Variants in NECAB2 observed in about 807,000 individuals in gnomAD.
NECAB2 encodes the protein N-terminal EF-hand calcium binding protein 2, also known as N-terminal EF-hand calcium-binding protein 2.
A neutral mutation model predicts 51.9 loss-of-function variants in NECAB2; 68 were observed. The ratio of observed to expected loss-of-function variants is 1.31; its 90% CI spans 1.08 to 1.60. NECAB2 has a LOEUF of 1.60. NECAB2 is among the 40% of genes most tolerant of loss of function. NECAB2 has a pLI of 0.00. For missense variants in NECAB2, 854 were observed against 490.3 expected, an observed-to-expected ratio of 1.74 and a Z score of -7.00; for synonymous variants, 329 against 203.5, an observed-to-expected ratio of 1.62 and a Z score of -5.25.
rs536750967 is a variant in NECAB2 at position 83,970,022 on chromosome 16, C to G, written c.201+1173C>G. On this transcript the variant is annotated intron_variant, in intron 1 of 12. Coordinates refer to ENST00000305202, the MANE Select transcript of NECAB2 (RefSeq NM_019065.3). The stretch of plus-strand genomic sequence containing the variant: ...ACTCACGCACTCGCTTACGCACGCA[C>G]ACACAGCCAGAGACACACCCATGCA... 3.4e-4 allele frequency among the ~76,000 whole-genome samples: 52 copies of G among 152,334 alleles called. 1 individual carries two copies. Among genetic ancestry groups the G allele is most frequent in the African/African-American group, 1.2e-3 (49 of 41,572 alleles).
chr16:83,999,846 A>G (rs748673460), intron 10 of NECAB2, among the ~76,000 whole-genome samples: 1 of 152,076 alleles, frequency 6.6e-6, no homozygotes, highest in Non-Finnish European at 1.5e-5. Flanking sequence ...TAGAAGGAAG[A>G]AGAGGGAAGA....
chr16:83,999,444 G>C (rs576557899), intron 10 of NECAB2, among the ~76,000 whole-genome samples: 1 of 152,286 alleles, frequency 6.6e-6, no homozygotes, highest in East Asian at 1.9e-4. Flanking sequence ...TCGAGTTGGA[G>C]ACGGCAAGCC....
upstream of NECAB2, chr16:83,966,012 C>T (rs199800520): frequency 4.6e-6 from 7 of 1,528,382 alleles, no homozygotes; most frequent in Admixed American, 2.1e-5. Flanking sequence ...CCCTAACACT[C>T]GGCCAGACCC....
At chr16:83,983,726 C>A (rs1249370089) in intron 5 of NECAB2, among the ~76,000 whole-genome samples, 1 of 152,226 alleles carries the variant, frequency 6.6e-6, no homozygotes, top group Non-Finnish European at 1.5e-5. Flanking sequence ...TTGTCATGAG[C>A]CAAGAATTTT....
upstream of NECAB2, among the ~76,000 whole-genome samples, chr16:83,967,709 T>TGGATGGAC (rs2151081830): frequency 9.7e-6 from 1 of 102,966 alleles, no homozygotes; most frequent in African/African-American, 4.6e-5. Context: ...GATGGACGGA[T>TGGATGGAC]GGATGGATGG....
chr16:83,977,038 A>T (rs889294838), intron 2 of NECAB2, among the ~76,000 whole-genome samples: 5 of 152,244 alleles, frequency 3.3e-5, no homozygotes, highest in African/African-American at 1.2e-4. Flanking sequence ...CCAGGCTGCA[A>T]TCCGCTTTCA....
chr16:83,971,086 C>T (rs372267125), intron 1 of NECAB2, among the ~76,000 whole-genome samples: 2 of 139,968 alleles, frequency 1.4e-5, no homozygotes, highest in East Asian at 2.0e-4. Context: ...AGAGCGAGAC[C>T]CCATCTCAAA....
At position 83,969,364 on chromosome 16, in the gene NECAB2, G is replaced by A. The variant is rs116063285; in HGVS notation, c.201+515G>A. On this transcript the variant is annotated intron_variant, in intron 1 of 12. Coordinates refer to ENST00000305202, the MANE Select transcript of NECAB2 (RefSeq NM_019065.3). ...TCAAAGACCCTTTGCCCCAGCTACT[G>A]CCACTTTAAAAGTGAAGCCCCCTCC... 3.6e-3 allele frequency among the ~76,000 whole-genome samples: 551 copies of A among 151,920 alleles called. 1 individual carries two copies. Among genetic ancestry groups the A allele is most frequent in the African/African-American group, 0.013 (536 of 41,424 alleles).
At chr16:83,983,058 G>A (rs559955032) in intron 5 of NECAB2, among the ~76,000 whole-genome samples, 96 of 151,996 alleles carry the variant, frequency 6.3e-4, no homozygotes, top group Non-Finnish European at 1.2e-3. Flanking sequence ...TAGTAGAGAC[G>A]GGGTTTCACC....
chr16:83,997,094 C>A (rs57112340), intron 8 of NECAB2, 122 bp from the exon 9 acceptor site: 11 of 1,105,896 alleles, frequency 9.9e-6, no homozygotes, highest in East Asian at 2.4e-5. Flanking sequence ...GGTCTCCCAG[C>A]CCTGTGCAAC....
intron 10 of NECAB2, among the ~76,000 whole-genome samples, chr16:84,000,491 A>AACTACACTGCATT (rs1356703835): frequency 6.6e-6 from 1 of 152,054 alleles, no homozygotes; most frequent in Non-Finnish European, 1.5e-5. Flanking sequence ...TCAAAAGAAA[A>AACTACACTGCATT]ACTACACTGC....
At chr16:83,967,632 G>A (rs1209216575), upstream of NECAB2, among the ~76,000 whole-genome samples, 1 of 125,264 alleles carries the variant, frequency 8.0e-6, no homozygotes, top group African/African-American at 3.0e-5. Context: ...GGGTAGGGGG[G>A]TGGATAGATG....
chr16:83,981,301 T>A (rs1238454269), intron 5 of NECAB2, among the ~76,000 whole-genome samples, 174 bp downstream of exon 5: 1 of 151,924 alleles, frequency 6.6e-6, no homozygotes, highest in Non-Finnish European at 1.5e-5. Flanking sequence ...GGGAATAGAA[T>A]GGTTTGGTGA....
At chr16:83,975,242 G>T (rs1232028333) in intron 2 of NECAB2, among the ~76,000 whole-genome samples, 7 of 148,638 alleles carry the variant, frequency 4.7e-5, no homozygotes, top group African/African-American at 1.8e-4. Context: ...GTTGGTGCGG[G>T]AATGTGAACC....
intron 5 of NECAB2, among the ~76,000 whole-genome samples, chr16:83,988,042 C>T (rs8050660): frequency 0.17 from 26,123 of 152,122 alleles, 4,286 homozygotes; most frequent in African/African-American, 0.44. Flanking sequence ...GATATTGTAC[C>T]TTATGCTGTT....
chr16:83,968,758 G>C lies in NECAB2; in HGVS notation c.110G>C (p.Arg37Thr). 1 of 1,086,646 alleles carries C rather than the reference G, an allele frequency of 9.2e-7. No homozygotes were observed. The highest frequency in any genetic ancestry group is 1.1e-6 in the Non-Finnish European group (1 of 897,012). 67.3% of individuals were successfully genotyped at this position (1,086,646 alleles called of 1,614,324 possible). A position where few individuals can be genotyped will look rare whatever the true frequency, so the allele number is the denominator to read the frequency against. Residue 37 changes from arginine (R) to threonine (T), a missense_variant, in exon 1 of 13, where the codon AGG becomes ACG. By Grantham distance (71) the Arg-to-Thr change is moderately conservative. Transcript: ENST00000305202. ...LGGLLRWVGA[R>T]MGEPRESLAP... ...GGGCTGCTGCGCTGGGTGGGCGCCAGGATGGGCGAGCCCCGGGAGTCGCTG... is the reference window on the plus strand; with the variant it reads ...GGGCTGCTGCGCTGGGTGGGCGCCACGATGGGCGAGCCCCGGGAGTCGCTG...
intron 1 of NECAB2, among the ~76,000 whole-genome samples, chr16:83,970,138 C>A (rs542247110): frequency 6.6e-6 from 1 of 152,312 alleles, no homozygotes; most frequent in African/African-American, 2.4e-5. Context: ...TGCATGGAAG[C>A]CCTGCCCAGT....
At position 83,998,149 on chromosome 16, in the gene NECAB2, G is replaced by T. The variant is rs1028165529; in HGVS notation, c.850-56G>T. 7 of 1,534,442 alleles carry T rather than the reference G, an allele frequency of 4.6e-6. No individual in the cohort carries two copies. In the South Asian group the frequency reaches 6.8e-5, roughly 15 times the overall value. ...GGAGGTCATGGGGGCCTGATGGGGTGTTTAGGGAGAAGGCCTGACGTGGAG... is the reference window on the plus strand; with the variant it reads ...GGAGGTCATGGGGGCCTGATGGGGTTTTTAGGGAGAAGGCCTGACGTGGAG... On this transcript the variant is annotated intron_variant, in intron 9 of 12. Transcript: ENST00000305202.
At chr16:83,994,254 C>A (rs746865272) in intron 6 of NECAB2, 48 bp from the exon 7 acceptor site, 15 of 1,567,326 alleles carry the variant, frequency 9.6e-6, no homozygotes, top group Non-Finnish European at 1.2e-5. Context: ...GTGGTAAGGG[C>A]CCTGAAGCCA....
Sources: allele counts gnomAD v4.1 joint callset (sites outside exome capture counted in the v4.1 genomes callset), GRCh38; gene constraint gnomAD v4.1.1; transcripts MANE v1.5; gene names NCBI Gene and HGNC (gene_info 2026-07-23, HGNC 2026-07-21).